LRRC40: variants seen among roughly 807,000 people sequenced by gnomAD.
The protein encoded by LRRC40 is leucine-rich repeat-containing protein 40.
Under a neutral mutation model 72.8 loss-of-function variants are expected in LRRC40, and 76 were observed. The observed-to-expected ratio is 1.04, with a 90% CI of 0.87 to 1.26. The LOEUF (loss-of-function observed/expected upper bound fraction) is 1.26. LRRC40 is among the 50% of genes most tolerant of loss of function. The pLI is 0.00. For synonymous variants in LRRC40, 243 were observed against 254.2 expected (o/e 0.96, Z 0.42); for missense variants, 684 against 698.9 (o/e 0.98, Z 0.24).
At position 70,151,143 on chromosome 1, in the gene LRRC40, T is replaced by C. The variant is rs777105364; in HGVS notation, c.1502A>G (p.Asn501Ser). The change falls in exon 13 of 15, where the codon AAT becomes AGT. Residue 501 changes from asparagine to serine, a missense_variant. Physicochemically the swap from Asn to Ser is conservative, Grantham distance 46. Transcript: ENST00000370952. ...GTTCTCTTACCTATTAAAGGAAAGA[T>C]TGATCGTTTGCAGTCTTACCAGTGA... is the stretch of plus-strand genomic sequence containing the variant. ...MESLVRLQTI[N>S]LSFNRFKMLP... The C allele has an allele frequency of 1.3e-5, 21 of 1,564,172 alleles. No individual in the cohort carries two copies. Among genetic ancestry groups the C allele is most frequent in the Non-Finnish European group, 1.8e-5 (20 of 1,136,544 alleles).
chr1:70,201,373 T>C (rs1357739262), intron 1 of LRRC40, among the ~76,000 whole-genome samples: 1 of 152,182 alleles, frequency 6.6e-6, no homozygotes, highest in East Asian at 1.9e-4. Context: ...TACTTTTGAC[T>C]GGGTCAAAAA....
intron 10 of LRRC40, among the ~76,000 whole-genome samples, chr1:70,156,052 A>C (rs576217806): frequency 6.6e-6 from 1 of 152,262 alleles, no homozygotes; most frequent in South Asian, 2.1e-4. Context: ...GAATAAAAAT[A>C]GATATTTATC....
intron 7 of LRRC40, among the ~76,000 whole-genome samples, chr1:70,174,834 T>C (rs1668069326): frequency 6.6e-6 from 1 of 152,152 alleles, no homozygotes; most frequent in Non-Finnish European, 1.5e-5. Flanking sequence ...AGAAATGTTC[T>C]ACATGGCTGT....
At chr1:70,174,409 T>C (rs1422153947) in intron 7 of LRRC40, among the ~76,000 whole-genome samples, 1 of 151,956 alleles carries the variant, frequency 6.6e-6, no homozygotes, top group Non-Finnish European at 1.5e-5. Context: ...AAACATATGG[T>C]CACTATACAA....
chr1:70,166,582 A>C (rs1667883791), intron 9 of LRRC40, among the ~76,000 whole-genome samples: 1 of 152,126 alleles, frequency 6.6e-6, no homozygotes, highest in Non-Finnish European at 1.5e-5. Context: ...GCTTGAGCCC[A>C]GAAGTTTGAG....
At chr1:70,188,393 T>C (rs1257825467) in intron 2 of LRRC40, among the ~76,000 whole-genome samples, 2 of 152,214 alleles carry the variant, frequency 1.3e-5, no homozygotes, top group Admixed American at 6.5e-5. Context: ...AGGCAAGTAA[T>C]ACATATACAT....
chr1:70,173,736 G>A, intron 7 of LRRC40, 27 bp from the exon 8 acceptor site: 1 of 1,172,372 alleles, frequency 8.5e-7, no homozygotes, highest in Non-Finnish European at 1.2e-6. Context: ...TGATTTCAGG[G>A]AAAGCATCAA....
At chr1:70,158,082 A>T in intron 10 of LRRC40, among the ~76,000 whole-genome samples, 1 of 144,302 alleles carries the variant, frequency 6.9e-6, no homozygotes, top group East Asian at 2.1e-4. Context: ...CCTGGGCAAC[A>T]GAGCAAGACC....
At chr1:70,202,330 A>C (rs1233712622) in intron 1 of LRRC40, among the ~76,000 whole-genome samples, 2 of 152,224 alleles carry the variant, frequency 1.3e-5, no homozygotes, top group East Asian at 3.8e-4. Context: ...TGGTACATTC[A>C]TACAATTGAA....
chr1:70,168,148 T>C (rs1031659295), intron 9 of LRRC40, among the ~76,000 whole-genome samples: 3 of 152,198 alleles, frequency 2.0e-5, no homozygotes, highest in Admixed American at 6.5e-5. Flanking sequence ...GAGGGCTTTC[T>C]TCCTGAGAGG....
Position 70,159,457 on chromosome 1 carries a change from T to TAA in LRRC40, c.1112-20_1112-19insTT. The TAA allele has an allele frequency of 8.9e-7, 1 of 1,120,188 alleles. No individual in the cohort carries two copies. Among genetic ancestry groups the TAA allele is most frequent in the Non-Finnish European group, 1.3e-6 (1 of 743,808 alleles). 69.4% of individuals were successfully genotyped at this position (1,120,188 alleles called of 1,614,324 possible). A position where few individuals can be genotyped will look rare whatever the true frequency, so the allele number is the denominator to read the frequency against. The stretch of plus-strand genomic sequence containing the variant: ...CCATCATCTGGCAAAAGAAAACTTA[T>TAA]ATGAAGCCAATATTTATACTACAAA... On this transcript the variant is annotated intron_variant, in intron 9 of 14. Coordinates refer to ENST00000370952, the MANE Select transcript of LRRC40 (RefSeq NM_017768.5).
chr1:70,159,175 A>C (rs1253766580), intron 10 of LRRC40, among the ~76,000 whole-genome samples, 155 bp downstream of exon 10: 1 of 152,140 alleles, frequency 6.6e-6, no homozygotes, highest in Admixed American at 6.5e-5. Context: ...AAAAAAAAAT[A>C]AATTAGGCCA....
At chr1:70,162,162 T>G (rs1402782802) in intron 9 of LRRC40, among the ~76,000 whole-genome samples, 1 of 152,118 alleles carries the variant, frequency 6.6e-6, no homozygotes, top group East Asian at 1.9e-4. Context: ...AGGAACTAAG[T>G]GAACCATCAT....
chr1:70,205,025 G>T (rs1014264786), intron 1 of LRRC40, among the ~76,000 whole-genome samples: 1 of 152,196 alleles, frequency 6.6e-6, no homozygotes, highest in African/African-American at 2.4e-5. Context: ...TGCCCTTGAA[G>T]ATTACAATAA....
chr1:70,178,009 C>T (rs911936714), intron 6 of LRRC40, among the ~76,000 whole-genome samples: 2 of 152,152 alleles, frequency 1.3e-5, no homozygotes, highest in African/African-American at 4.8e-5. Flanking sequence ...TTTTCTCTAG[C>T]TTACTTTATT....
intron 9 of LRRC40, among the ~76,000 whole-genome samples, chr1:70,161,840 C>A (rs142700158): frequency 1.3e-5 from 2 of 152,192 alleles, no homozygotes; most frequent in African/African-American, 4.8e-5. Context: ...CACACATAAA[C>A]TGGTAGGTAC....
In LRRC40 at chr1:70,187,291, TA is replaced by T; in HGVS notation, c.380del (p.Leu127GlnfsTer14). On this transcript the variant is annotated frameshift_variant, in exon 3 of 15. Coordinates refer to ENST00000370952, the MANE Select transcript of LRRC40 (RefSeq NM_017768.5). LOFTEE classifies it high-confidence loss of function. Reference protein sequence around the residue: ...LTSLPSAIRELENLQKLNVSH... With the variant: ...LTSLPSAIREXENLQKLNVSH... Reference sequence around the variant, plus strand: ...TGACATTAAGTTTCTGAAGATTTTCTAGCTCTCTTATAGCAGAAGGAAGGGA... The same window carrying T: ...TGACATTAAGTTTCTGAAGATTTTCTGCTCTCTTATAGCAGAAGGAAGGGA... The T allele has an allele frequency of 6.3e-7, 1 of 1,587,544 alleles. No homozygotes were observed. Among genetic ancestry groups the T allele is most frequent in the Non-Finnish European group, 8.6e-7 (1 of 1,158,678 alleles).
chr1:70,184,714 CTT>C, intron 4 of LRRC40, 69 bp downstream of exon 4: 1 of 1,402,314 alleles, frequency 7.1e-7, no homozygotes, highest in Non-Finnish European at 9.7e-7. Flanking sequence ...AATCATCTAT[CTT>C]AATTTCTCAG....
intron 10 of LRRC40, among the ~76,000 whole-genome samples, chr1:70,156,036 C>A (rs61785262): frequency 6.6e-6 from 1 of 151,932 alleles, no homozygotes; most frequent in Admixed American, 6.6e-5. Context: ...TTCATATACT[C>A]AATGTGAATA....
Sources: allele counts gnomAD v4.1 joint callset (sites outside exome capture counted in the v4.1 genomes callset), GRCh38; gene constraint gnomAD v4.1.1; transcripts MANE v1.5; gene names NCBI Gene and HGNC (gene_info 2026-07-23, HGNC 2026-07-21).